The following GALNT17 variants were observed in gnomAD, a reference collection of about 807,000 sequenced individuals.
GALNT17 encodes the protein polypeptide N-acetylgalactosaminyltransferase 17.
GALNT17 carries 29 observed loss-of-function variants against 63.7 expected under a neutral mutation model. That is an observed-to-expected ratio of 0.46 (90% confidence interval 0.34 to 0.62). The LOEUF is 0.62. GALNT17 is among the 20% of genes least tolerant of loss of function. GALNT17 has a pLI of 0.01. For synonymous variants in GALNT17, 305 were observed against 318.3 expected, an observed-to-expected ratio of 0.96 and a Z score of 0.45; for missense variants, 603 against 799.6, an observed-to-expected ratio of 0.75 and a Z score of 2.97.
In GALNT17 at chr7:71,338,461, T is replaced by C. The variant is rs1158517172; in HGVS notation, c.422+2728T>C. 2.0e-5 allele frequency among the ~76,000 whole-genome samples: 3 copies of C among 152,150 alleles called. No individual in the cohort carries two copies. The East Asian group carries it at 5.8e-4, about 29-fold the overall frequency. ...TCACCTGAGTCTGGGAGGTCAAGTC[T>C]GCAGTAAGCCATCGTGGCACCACTG... On this transcript the variant is annotated intron_variant, in intron 2 of 10. Coordinates refer to ENST00000333538, the MANE Select transcript of GALNT17 (RefSeq NM_022479.3).
intron 1 of GALNT17, among the ~76,000 whole-genome samples, chr7:71,324,845 T>A (rs1406805346): frequency 1.3e-5 from 2 of 152,220 alleles, no homozygotes; most frequent in Non-Finnish European, 2.9e-5. Flanking sequence ...CATGTAATAA[T>A]TGAAGTGCTT....
chr7:71,400,262 G>A (rs1055359844), intron 3 of GALNT17, among the ~76,000 whole-genome samples: 3 of 151,846 alleles, frequency 2.0e-5, no homozygotes, highest in Non-Finnish European at 4.4e-5. Flanking sequence ...TTGGTTTTCT[G>A]TTCCTGCATT....
At chr7:71,397,091 T>G (rs2116372670) in intron 3 of GALNT17, among the ~76,000 whole-genome samples, 2 of 152,308 alleles carry the variant, frequency 1.3e-5, no homozygotes, top group African/African-American at 4.8e-5. Context: ...CTTTCCAATC[T>G]GGATACTTTC....
chr7:71,328,506 G>A (rs529993341), intron 1 of GALNT17, among the ~76,000 whole-genome samples: 4 of 152,118 alleles, frequency 2.6e-5, no homozygotes, highest in Non-Finnish European at 5.9e-5. Flanking sequence ...TTGGGTACAC[G>A]AAATCATCCC....
intron 5 of GALNT17, among the ~76,000 whole-genome samples, chr7:71,516,955 G>T (rs1220972065): frequency 1.3e-5 from 2 of 152,150 alleles, no homozygotes; most frequent in East Asian, 3.9e-4. Flanking sequence ...GGAATCTCCT[G>T]AGCCACCTGG....
chr7:71,374,310 A>C (rs1471882539), intron 2 of GALNT17, among the ~76,000 whole-genome samples: 1 of 152,194 alleles, frequency 6.6e-6, no homozygotes, highest in East Asian at 1.9e-4. Context: ...GGAATCCTAC[A>C]TGACTGGCTT....
intron 6 of GALNT17, among the ~76,000 whole-genome samples, chr7:71,643,886 A>G (rs1790637753): frequency 6.6e-6 from 1 of 152,210 alleles, no homozygotes; most frequent in Non-Finnish European, 1.5e-5. Context: ...TAAATTTCTA[A>G]AACATGAAAC....
intron 5 of GALNT17, among the ~76,000 whole-genome samples, chr7:71,475,981 TC>T (rs1787716448): frequency 3.3e-5 from 5 of 152,130 alleles, no homozygotes; most frequent in South Asian, 4.1e-4. Context: ...ATACTACTAC[TC>T]CTCCTACTAA....
At chr7:71,235,022 G>A (rs1353610401) in intron 1 of GALNT17, among the ~76,000 whole-genome samples, 3 of 152,020 alleles carry the variant, frequency 2.0e-5, no homozygotes, top group Admixed American at 1.3e-4. Context: ...AGGCTGAGGC[G>A]GGCAGATTGC....
intron 3 of GALNT17, among the ~76,000 whole-genome samples, chr7:71,412,293 A>G (rs140065706): frequency 2.0e-5 from 3 of 151,578 alleles, no homozygotes; most frequent in East Asian, 2.0e-4. Flanking sequence ...TCCTAAATAC[A>G]TGTGTTCCAC....
intron 6 of GALNT17, among the ~76,000 whole-genome samples, chr7:71,592,521 TAAAATAAAATAAAATAA>T (rs1325858300): frequency 4.7e-4 from 44 of 93,108 alleles, no homozygotes; most frequent in East Asian, 6.9e-4. Context: ...TAAAATAAAA[TAAAATAAAATAAAATAA>T]AATAAAATAG....
chr7:71,176,942 T>C lies in GALNT17; in HGVS notation c.238+43902T>C, dbSNP rs569194457. ...GCCATGCCTGCCCTAAAGAGCTTTG[T>C]CTCTAGAAGCGGAGAGGATGCTTGA... On this transcript the variant is annotated intron_variant, in intron 1 of 10. Transcript: ENST00000333538. Among the ~76,000 whole-genome samples the C allele has an allele frequency of 2.5e-4, 38 of 152,328 alleles. 1 individual carries two copies. In the South Asian group the frequency reaches 7.7e-3, roughly 31 times the overall value.
intron 2 of GALNT17, among the ~76,000 whole-genome samples, chr7:71,336,171 G>A (rs765392822): frequency 1.1e-4 from 16 of 150,956 alleles, no homozygotes; most frequent in Non-Finnish European, 1.5e-4. Flanking sequence ...TCAGCCTCCC[G>A]AGTAGCTGGG....
At chr7:71,208,815 G>C (rs1789321804) in intron 1 of GALNT17, among the ~76,000 whole-genome samples, 1 of 152,082 alleles carries the variant, frequency 6.6e-6, no homozygotes, top group Admixed American at 6.6e-5. Flanking sequence ...AGATGTTTCT[G>C]TATTTTTATG....
chr7:71,255,856 C>A (rs1351272191), intron 1 of GALNT17, among the ~76,000 whole-genome samples: 5 of 152,102 alleles, frequency 3.3e-5, no homozygotes, highest in African/African-American at 1.2e-4. Context: ...CCTCCCCCAG[C>A]CACATGAATG....
intron 1 of GALNT17, among the ~76,000 whole-genome samples, chr7:71,332,950 A>G (rs1791832173): frequency 1.3e-5 from 2 of 152,158 alleles, no homozygotes; most frequent in South Asian, 4.1e-4. Context: ...AGCCTCCCAA[A>G]TTGCTGGGAT....
intron 3 of GALNT17, among the ~76,000 whole-genome samples, chr7:71,413,000 G>A (rs188094867): frequency 1.5e-4 from 23 of 152,288 alleles, no homozygotes; most frequent in Non-Finnish European, 5.9e-5. Context: ...CTGAGGTCAC[G>A]CCACTGTACT....
At chr7:71,276,913 A>C (rs1458033306) in intron 1 of GALNT17, among the ~76,000 whole-genome samples, 1 of 152,086 alleles carries the variant, frequency 6.6e-6, no homozygotes, top group Non-Finnish European at 1.5e-5. Context: ...CAGGAGAATC[A>C]CTTGAACCTG....
At chr7:71,162,123 C>CCCTCCCTCCCTT (rs1554334487) in intron 1 of GALNT17, among the ~76,000 whole-genome samples, 5 of 53,796 alleles carry the variant, frequency 9.3e-5, no homozygotes, top group African/African-American at 6.2e-4. Context: ...CTCCCTCCCT[C>CCCTCCCTCCCTT]CCTTCCTTCC....
Sources: allele counts gnomAD v4.1 joint callset (sites outside exome capture counted in the v4.1 genomes callset), GRCh38; gene constraint gnomAD v4.1.1; transcripts MANE v1.5; gene names NCBI Gene and HGNC (gene_info 2026-07-23, HGNC 2026-07-21).